KCNJ4: variants seen among roughly 807,000 people sequenced by gnomAD.
KCNJ4 encodes inward rectifier potassium channel 4.
Under a neutral mutation model 25.6 loss-of-function variants are expected in KCNJ4, and 3 were observed. The ratio of observed to expected loss-of-function variants is 0.12; its 90% CI spans 0.05 to 0.30. The LOEUF (loss-of-function observed/expected upper bound fraction) is 0.30, where lower values mean the gene tolerates loss of function less well. Among genes scored for constraint, KCNJ4 ranks in the 10% least tolerant of loss-of-function variants. The pLI is 1.00. For synonymous variants in KCNJ4, 257 were observed against 283.9 expected (o/e 0.91, Z 0.95); for missense variants, 286 against 666.8 (o/e 0.43, Z 6.29).
intron 1 of KCNJ4, among the ~76,000 whole-genome samples, chr22:38,447,267 G>A (rs940952959): frequency 6.6e-5 from 10 of 152,204 alleles, no homozygotes; most frequent in African/African-American, 2.2e-4. Context: ...TTCCAGACAC[G>A]AGTGGGCTTC....
In KCNJ4 at chr22:38,445,180, G is replaced by A. The variant is rs561390701; in HGVS notation, c.-40+9800C>T. Reference sequence around the variant, plus strand: ...TGGGCCTGGGCTGAGCGGAAAGCAGGGAATTTGGCCCGGCCTGGGATCTAG... The same window carrying A: ...TGGGCCTGGGCTGAGCGGAAAGCAGAGAATTTGGCCCGGCCTGGGATCTAG... On this transcript the variant is annotated intron_variant, in intron 1 of 1. Transcript: ENST00000303592. Among the ~76,000 whole-genome samples, 11 of 152,174 alleles carry A rather than the reference G, an allele frequency of 7.2e-5. No homozygotes were observed. The East Asian group carries it at 2.1e-3, about 30-fold the overall frequency.
intron 1 of KCNJ4, 71 bp from the exon 2 acceptor site, chr22:38,428,242 C>T (rs866743585): frequency 1.5e-6 from 2 of 1,355,764 alleles, no homozygotes. Context: ...TCAGACTCAG[C>T]CCCAAGACTC....
chr22:38,433,600 A>G (rs569142691), intron 1 of KCNJ4, among the ~76,000 whole-genome samples: 1 of 152,332 alleles, frequency 6.6e-6, no homozygotes, highest in East Asian at 1.9e-4. Context: ...CACAGGCACG[A>G]GCCACTGCAT....
At chr22:38,439,983 C>G (rs1238058590) in intron 1 of KCNJ4, among the ~76,000 whole-genome samples, 42 of 150,654 alleles carry the variant, frequency 2.8e-4, no homozygotes. Context: ...CCCAGCTACT[C>G]GGGAGGCTGA....
intron 1 of KCNJ4, among the ~76,000 whole-genome samples, chr22:38,429,083 CAA>C (rs10582408): frequency 0.67 from 72,601 of 108,186 alleles, 22,455 homozygotes; most frequent in East Asian, 0.91. Context: ...GACCCCATGT[CAA>C]AAAAAAAAAA....
intron 1 of KCNJ4, among the ~76,000 whole-genome samples, chr22:38,432,210 T>C (rs987359516): frequency 2.5e-4 from 38 of 150,648 alleles, no homozygotes; most frequent in African/African-American, 8.6e-4. Context: ...GAGCCAAGAT[T>C]GAGTGACCGC....
intron 1 of KCNJ4, among the ~76,000 whole-genome samples, chr22:38,439,249 T>A (rs1314225827): frequency 6.7e-6 from 1 of 148,494 alleles, no homozygotes; most frequent in African/African-American, 2.5e-5. Context: ...CTGGCCAACA[T>A]GGTGAAACTC....
Position 38,449,436 on chromosome 22 carries a change from A to G in KCNJ4, c.-40+5544T>C, listed in dbSNP as rs1443873182. ...AAGCCCAGCGCTGAGCCTGGCACTC[A>G]GCTTCCCTCCTGCAGCAATACCCTG... is the stretch of plus-strand genomic sequence containing the variant. On this transcript the variant is annotated intron_variant, in intron 1 of 1. Coordinates refer to ENST00000303592, the MANE Select transcript of KCNJ4 (RefSeq NM_152868.3). This position sits in a 1 kb window ranked among gnomAD's most constrained non-coding sequence, Gnocchi z 5.2. Among the ~76,000 whole-genome samples the G allele has an allele frequency of 2.0e-4, 31 of 152,196 alleles. No individual in the cohort carries two copies. The highest frequency in any genetic ancestry group is 2.0e-3 in the Admixed American group (31 of 15,286).
chr22:38,439,774 C>CA (rs112130946), intron 1 of KCNJ4, among the ~76,000 whole-genome samples: 1,182 of 85,096 alleles, frequency 0.014, 6 homozygotes, highest in Non-Finnish European at 0.019. Context: ...GACTCCATCT[C>CA]AAAAAAAAAA....
chr22:38,428,414 G>A (rs1413709753), intron 1 of KCNJ4, among the ~76,000 whole-genome samples: 3 of 152,238 alleles, frequency 2.0e-5, no homozygotes, highest in African/African-American at 4.8e-5. Flanking sequence ...AAAGCCACAA[G>A]GATCCAGGTC....
intron 1 of KCNJ4, among the ~76,000 whole-genome samples, chr22:38,448,789 C>T (rs2089393104): frequency 6.6e-6 from 1 of 152,142 alleles, no homozygotes. Context: ...GAGAGAAGGC[C>T]AATGCAGCCG....
rs777182204 is a variant in KCNJ4, at chr22:38,426,834, C to T, written c.1299G>A (p.Pro433=). 8 of 1,613,046 alleles carry T rather than the reference C, an allele frequency of 5.0e-6. No homozygotes were observed. Among genetic ancestry groups the T allele is most frequent in the Middle Eastern group, 1.6e-4 (1 of 6,074 alleles). Residue 433 remains proline (P), a synonymous_variant, in exon 2 of 2, where the codon CCG becomes CCA. Coordinates refer to ENST00000303592, the MANE Select transcript of KCNJ4 (RefSeq NM_152868.3). ...LDLERMQASL[P]LDNISYRRES... ...CCCTGCGGTAGGAGATGTTGTCCAG[C>T]GGGAGGGAAGCCTGCATGCGCTCCA...
rs544192366 is a variant in KCNJ4, at chr22:38,429,009, A to C, written c.-39-838T>G. Among the ~76,000 whole-genome samples, 190 of 149,854 alleles carry C rather than the reference A, an allele frequency of 1.3e-3. 1 individual carries two copies. Among genetic ancestry groups the C allele is most frequent in the Non-Finnish European group, 2.2e-3 (148 of 67,556 alleles). Reference sequence around the variant, plus strand: ...TAAGGCAGGAGGATCTATTGAGCCCAGGGGGTCAAGGCTGCAGTGAGCTGT... The same window carrying C: ...TAAGGCAGGAGGATCTATTGAGCCCCGGGGGTCAAGGCTGCAGTGAGCTGT... On this transcript the variant is annotated intron_variant, in intron 1 of 1. Coordinates refer to ENST00000303592, the MANE Select transcript of KCNJ4 (RefSeq NM_152868.3).
chr22:38,441,986 A>G (rs1217859340), intron 1 of KCNJ4, among the ~76,000 whole-genome samples: 3 of 152,170 alleles, frequency 2.0e-5, no homozygotes, highest in African/African-American at 7.2e-5. Context: ...CCATTTGTGT[A>G]AAAAAGGAGA....
At chr22:38,448,535 G>T (rs2145947963) in intron 1 of KCNJ4, among the ~76,000 whole-genome samples, 1 of 152,224 alleles carries the variant, frequency 6.6e-6, no homozygotes, top group African/African-American at 2.4e-5. Context: ...CCCTCGCTCC[G>T]ATCTGGGGAT....
chr22:38,437,708 C>A (rs2089302193), intron 1 of KCNJ4, among the ~76,000 whole-genome samples: 1 of 152,210 alleles, frequency 6.6e-6, no homozygotes. Context: ...GTTTGATGGG[C>A]ATCTCCAAAG....
At position 38,428,104 on chromosome 22, in the gene KCNJ4, G is replaced by T; in HGVS notation, c.29C>A (p.Ala10Asp). Residue 10 changes from alanine to aspartate, a missense_variant, in exon 2 of 2, where the codon GCC (alanine) becomes GAC (aspartate). By Grantham distance (126) the Ala-to-Asp change is moderately radical (BLOSUM62 -2). Transcript: ENST00000303592. MHGHSRNGQ[A>D]HVPRRKRRNR... ...GCGGCGCTTCCGCCGGGGCACGTGG[G>T]CCTGGCCGTTGCGGCTGTGTCCGTG... 1 of 1,613,008 alleles carries T rather than the reference G, an allele frequency of 6.2e-7. No homozygotes were observed.
intron 1 of KCNJ4, among the ~76,000 whole-genome samples, chr22:38,448,805 A>T: frequency 6.6e-6 from 1 of 152,148 alleles, no homozygotes; most frequent in East Asian, 1.9e-4. Context: ...AGCCGCAGAC[A>T]GGAGCTGCTG....
intron 1 of KCNJ4, among the ~76,000 whole-genome samples, chr22:38,440,570 A>G (rs191636088): frequency 4.3e-4 from 66 of 152,298 alleles, no homozygotes; most frequent in African/African-American, 1.4e-3. Flanking sequence ...AAAATAAAAG[A>G]TAAACATTCC....
Sources: gnomAD v4.1 joint callset for allele counts (sites outside exome capture counted in the v4.1 genomes callset) on GRCh38, gnomAD v4.1.1 for gene constraint, Gnocchi (gnomAD v3.1) non-coding constraint, MANE v1.5 for transcripts, NCBI Gene and HGNC (gene_info 2026-07-23, HGNC 2026-07-21) for gene names.